Variants in ADAMTS1 observed in about 807,000 individuals in gnomAD.
The protein encoded by ADAMTS1 is A disintegrin and metalloproteinase with thrombospondin motifs 1.
ADAMTS1 carries 19 observed loss-of-function variants against 87.9 expected under a neutral mutation model. The observed-to-expected ratio is 0.22, with a 90% CI of 0.15 to 0.32. The LOEUF (loss-of-function observed/expected upper bound fraction) is 0.32. ADAMTS1 is among the 10% of genes least tolerant of loss of function. The pLI is 1.00. For synonymous variants in ADAMTS1, 542 were observed against 501.8 expected (o/e 1.08, Z -1.07); for missense variants, 1,240 against 1,259.1 (o/e 0.98, Z 0.23).
chr21:26,843,385 C>T, intron 1 of ADAMTS1: 1 of 438,898 alleles, frequency 2.3e-6, no homozygotes, highest in Non-Finnish European at 4.7e-6. Context: ...CCACTTTGCT[C>T]CCAGGAGCAG....
intron 2 of ADAMTS1, 119 bp downstream of exon 2, chr21:26,842,220 C>T (rs1985508871): frequency 1.9e-6 from 2 of 1,078,184 alleles, no homozygotes; most frequent in Admixed American, 5.6e-5. Flanking sequence ...ATAAACCATG[C>T]TAGCCAATTA....
chr21:26,841,617 G>T, intron 3 of ADAMTS1: 1 of 410,598 alleles, frequency 2.4e-6, no homozygotes, highest in Non-Finnish European at 4.2e-6. Context: ...TGCAGACCAT[G>T]TCTACTTTTC....
chr21:26,839,809 C>T (rs1477213169), intron 6 of ADAMTS1, 47 bp from the exon 7 acceptor site: 2 of 1,602,898 alleles, frequency 1.2e-6, no homozygotes, highest in Non-Finnish European at 1.7e-6. Context: ...CAATCTTGAG[C>T]CACCTGTTTG....
chr21:26,844,109 C>A (rs1376731624), intron 1 of ADAMTS1, 116 bp downstream of exon 1: 2 of 1,334,094 alleles, frequency 1.5e-6, no homozygotes, highest in Non-Finnish European at 2.0e-6. Flanking sequence ...GGCCTCCGTT[C>A]TGTCCGCGGA....
rs776245977 is a variant in ADAMTS1, at chr21:26,839,664, C to A, written c.1951G>T (p.Gly651Cys). 1 of 1,613,748 alleles carries A rather than the reference C, an allele frequency of 6.2e-7. No individual in the cohort carries two copies. The highest frequency in any genetic ancestry group is 8.5e-7 in the Non-Finnish European group (1 of 1,179,800). Residue 651 changes from glycine (G) to cysteine (C), a missense_variant, in exon 7 of 9, where the codon GGC becomes TGC. This residue lies in a region of ADAMTS1 where 402 missense variants were observed against 399.1 expected (regional missense o/e 1.01). Coordinates refer to ENST00000284984, the MANE Select transcript of ADAMTS1 (RefSeq NM_006988.5). Reference protein sequence around the residue: ...PAVEWIPKYAGVSPKDRCKLI... With the variant: ...PAVEWIPKYACVSPKDRCKLI... ...TTGCACCTGTCCTTTGGTGAGACGC[C>A]AGCGTACTTGGGAATCCATTCCACC...
Position 26,839,724 on chromosome 21 carries a change from C to T in ADAMTS1, c.1891G>A (p.Glu631Lys), listed in dbSNP as rs61753556. Reference protein sequence around the residue: ...FREEQCEAHNEFSKASFGSGP... With the variant: ...FREEQCEAHNKFSKASFGSGP... The stretch of plus-strand genomic sequence containing the variant: ...CTCCCAAAGGAAGCTTTTGAAAACT[C>T]GTTGTGTGCTTCACATTGTTCCTCT... Residue 631 changes from glutamate (E) to lysine (K), a missense_variant, in exon 7 of 9, where the codon GAG becomes AAG. By Grantham distance (56) the Glu-to-Lys change is moderately conservative. Coordinates refer to ENST00000284984, the MANE Select transcript of ADAMTS1 (RefSeq NM_006988.5). 5.6e-4 allele frequency: 909 copies of T among 1,613,160 alleles called. 5 individuals carry two copies. The African/African-American group carries it at 0.011, about 20-fold the overall frequency.
intron 3 of ADAMTS1, 49 bp downstream of exon 3, chr21:26,841,809 A>G (rs1985499301): frequency 6.3e-7 from 1 of 1,578,998 alleles, no homozygotes; most frequent in Admixed American, 1.8e-5. Context: ...TTGTTTTACC[A>G]GTTTACATTT....
chr21:26,842,899 T>G, intron 1 of ADAMTS1: 1 of 573,634 alleles, frequency 1.7e-6, no homozygotes. Context: ...CTCCTTTGCA[T>G]GGTCAGGATC....
rs1224683403 is a variant in ADAMTS1 at position 26,840,902 on chromosome 21, G to A, written c.1378+96C>T. The A allele has an allele frequency of 4.3e-6, 6 of 1,407,140 alleles. No individual in the cohort carries two copies. The African/African-American group carries it at 5.7e-5, about 13-fold the overall frequency. 87.2% of individuals were successfully genotyped at this position (1,407,140 alleles called of 1,614,324 possible). ...AGAGGAAAAGTAATTTTGAAGTGGG[G>A]AAAATAAAAAGAACAAAAAGGAAAG... On this transcript the variant is annotated intron_variant, in intron 4 of 8. Transcript: ENST00000284984.
intron 7 of ADAMTS1, 147 bp downstream of exon 7, chr21:26,839,440 G>T: frequency 1.4e-6 from 1 of 718,342 alleles, no homozygotes; most frequent in Non-Finnish European, 2.2e-6. Context: ...GCAGGCAGTT[G>T]CCAATTAATG....
Position 26,841,177 on chromosome 21 carries a change from T to C in ADAMTS1, c.1211-12A>G. The C allele has an allele frequency of 1.9e-6, 3 of 1,612,968 alleles. No individual in the cohort carries two copies. In the East Asian group the frequency reaches 6.7e-5, roughly 36 times the overall value. On this transcript the variant is annotated splice_polypyrimidine_tract_variant and intron_variant, in intron 3 of 8. Coordinates refer to ENST00000284984, the MANE Select transcript of ADAMTS1 (RefSeq NM_006988.5). ...GTTAAACACGTGGCCTAGGAAGCAA[T>C]CCAGAACCCACATTAAAGTATGGAT...
chr21:26,844,832 C>G lies in ADAMTS1; in HGVS notation c.123G>C (p.Ala41=). The G allele has an allele frequency of 6.4e-7, 1 of 1,553,090 alleles. No homozygotes were observed. Among genetic ancestry groups the G allele is most frequent in the African/African-American group, 1.4e-5 (1 of 73,680 alleles). ...GPVPTLLLLA[A]ALLAVSDALG... Reference sequence around the variant, plus strand: ...GTGCGTCCGACACGGCCAGTAGCGCCGCGGCGAGCAGCAGCAGCGTGGGTA... The same window carrying G: ...GTGCGTCCGACACGGCCAGTAGCGCGGCGGCGAGCAGCAGCAGCGTGGGTA... Residue 41 remains alanine (A), a synonymous_variant, in exon 1 of 9, where the codon GCG becomes GCC. Transcript: ENST00000284984.
In ADAMTS1 at chr21:26,840,392, C is replaced by T; in HGVS notation, c.1549G>A (p.Gly517Arg). Residue 517 changes from glycine to arginine, a missense_variant, in exon 5 of 9, where the codon GGG becomes AGG. Physicochemically the swap from Gly to Arg is moderately radical, Grantham distance 125 (BLOSUM62 -2). Coordinates refer to ENST00000284984, the MANE Select transcript of ADAMTS1 (RefSeq NM_006988.5). ...TGTTTGGTTTGACACACCAGCACCC[C>T]ACCAGAGGTGCCGGTACACCACAAG... Reference protein sequence around the residue: ...STLWCTGTSGGVLVCQTKHFP... With the variant: ...STLWCTGTSGRVLVCQTKHFP... The T allele has an allele frequency of 2.5e-6, 4 of 1,614,224 alleles. No homozygotes were observed. Among genetic ancestry groups the T allele is most frequent in the Non-Finnish European group, 3.4e-6 (4 of 1,180,038 alleles).
intron 8 of ADAMTS1, 72 bp from the exon 9 acceptor site, chr21:26,838,350 T>G: frequency 6.3e-7 from 1 of 1,575,312 alleles, no homozygotes; most frequent in South Asian, 1.2e-5. Context: ...AAAAACACAT[T>G]AATCTTTTAT....
At position 26,836,558 on chromosome 21, in the gene ADAMTS1, A is replaced by ACATT. The variant is rs1307352339; in HGVS notation, c.*1017_*1020dup. On this transcript the variant is annotated 3_prime_UTR_variant, in exon 9 of 9. Coordinates refer to ENST00000284984, the MANE Select transcript of ADAMTS1 (RefSeq NM_006988.5). The stretch of plus-strand genomic sequence containing the variant: ...ATATTCTCACAGAAGAGCTGAACAG[A>ACATT]CATTCACCAGGATACGACTGTTGGA... 1 of 152,652 alleles carries ACATT rather than the reference A, an allele frequency of 6.6e-6. No homozygotes were observed. Among genetic ancestry groups the ACATT allele is most frequent in the Admixed American group, 6.5e-5 (1 of 15,282 alleles). 9.5% of individuals were successfully genotyped at this position (152,652 alleles called of 1,614,324 possible).
Position 26,845,303 on chromosome 21 carries a change from C to G in ADAMTS1, c.-349G>C, listed in dbSNP as rs1380842035. ...CCTGGCGCCCCTCTTCGGCCTCCGCCTTGGCTGCGATGTTGCTCACTCTGC... is the reference window on the plus strand; with the variant it reads ...CCTGGCGCCCCTCTTCGGCCTCCGCGTTGGCTGCGATGTTGCTCACTCTGC... On this transcript the variant is annotated 5_prime_UTR_variant, in exon 1 of 9. Transcript: ENST00000284984. 2 of 242,718 alleles carry G rather than the reference C, an allele frequency of 8.2e-6. No individual in the cohort carries two copies. Among genetic ancestry groups the G allele is most frequent in the Non-Finnish European group, 7.9e-6 (1 of 127,226 alleles). 15.0% of individuals were successfully genotyped at this position (242,718 alleles called of 1,614,324 possible).
In ADAMTS1 at chr21:26,841,951, C is replaced by T; in HGVS notation, c.1117G>A (p.Ala373Thr). Residue 373 changes from alanine (A) to threonine (T), a missense_variant, in exon 3 of 9, where the codon GCT (alanine) becomes ACT (threonine). Around this residue, in one of 3 missense-constraint regions of ADAMTS1, gnomAD observed 317 missense variants for 410.3 expected, o/e 0.77. Coordinates refer to ENST00000284984, the MANE Select transcript of ADAMTS1 (RefSeq NM_006988.5). ...GGATCACACACAGTTCCAACATCAG[C>T]CATCCCAAGAGTATCACATGTCTGG... ...GSQTCDTLGMADVGTVCDPSR... is the reference protein window; with the variant it reads ...GSQTCDTLGMTDVGTVCDPSR... 2 of 1,614,104 alleles carry T rather than the reference C, an allele frequency of 1.2e-6. No individual in the cohort carries two copies. Among genetic ancestry groups the T allele is most frequent in the Middle Eastern group, 3.3e-4 (2 of 6,058 alleles).
In ADAMTS1 at chr21:26,842,384, G is replaced by A; in HGVS notation, c.1032C>T (p.Asp344=). 1 of 1,614,146 alleles carries A rather than the reference G, an allele frequency of 6.2e-7. No individual in the cohort carries two copies. Among genetic ancestry groups the A allele is most frequent in the Non-Finnish European group, 8.5e-7 (1 of 1,180,036 alleles). Residue 344 remains aspartate (D), a synonymous_variant, in exon 2 of 9, where the codon GAC becomes GAT. Coordinates refer to ENST00000284984, the MANE Select transcript of ADAMTS1 (RefSeq NM_006988.5). ...CTGTGTCATAGTGCTCTGCATCCCGGTCACTGGGTGGGTTGTGCTGCTTCT... is the reference window on the plus strand; with the variant it reads ...CTGTGTCATAGTGCTCTGCATCCCGATCACTGGGTGGGTTGTGCTGCTTCT... ...NWQKQHNPPS[D]RDAEHYDTAI...
Position 26,840,421 on chromosome 21 carries a change from C to T in ADAMTS1, c.1520G>A (p.Ser507Asn). 6.2e-7 allele frequency: 1 copy of T among 1,614,106 alleles called. No homozygotes were observed. Among genetic ancestry groups the T allele is most frequent in the Non-Finnish European group, 8.5e-7 (1 of 1,179,926 alleles). ...AGAGGTGCCGGTACACCACAAGGTG[C>T]TACATGTGCTGGCTGCATCGGGGCA... ...KHCPDAASTC[S>N]TLWCTGTSGG... Residue 507 changes from serine (S) to asparagine (N), a missense_variant, in exon 5 of 9, where the codon AGC becomes AAC. Transcript: ENST00000284984.
Sources: gnomAD v4.1 joint callset for allele counts on GRCh38, gnomAD v4.1.1 for gene constraint, gnomAD v4.1.1 regional missense constraint, MANE v1.5 for transcripts, NCBI Gene and HGNC (gene_info 2026-07-23, HGNC 2026-07-21) for gene names.